LRP1B: variants seen among roughly 807,000 people sequenced by gnomAD.
LRP1B encodes the protein low-density lipoprotein receptor-related protein 1B.
LRP1B carries 217 observed loss-of-function variants against 556.6 expected under a neutral mutation model. That is an observed-to-expected ratio of 0.39 (90% confidence interval 0.35 to 0.44). The LOEUF (loss-of-function observed/expected upper bound fraction) is 0.44, where lower values mean the gene tolerates loss of function less well. LRP1B is among the 20% of genes least tolerant of loss of function. The probability of loss-of-function intolerance (pLI) is 1.00; values close to 1 mark genes in which losing one functional copy is unlikely to be tolerated. For missense variants in LRP1B, 5,053 were observed against 5,620.8 expected, an observed-to-expected ratio of 0.90 and a Z score of 3.23; for synonymous variants, 2,047 against 1,865.8, an observed-to-expected ratio of 1.10 and a Z score of -2.50.
At chr2:141,017,303 T>C (rs1697928102) in intron 12 of LRP1B, among the ~76,000 whole-genome samples, 1 of 152,006 alleles carries the variant, frequency 6.6e-6, no homozygotes, top group Non-Finnish European at 1.5e-5. Flanking sequence ...ATTGATATTT[T>C]CCTGAAATTT....
chr2:141,258,486 TAAAA>T (rs1294961096), intron 3 of LRP1B, among the ~76,000 whole-genome samples: 1 of 152,038 alleles, frequency 6.6e-6, no homozygotes, highest in South Asian at 2.1e-4. Context: ...AATAAATAAA[TAAAA>T]AGAGAGAAGA....
chr2:140,444,591 ACAAT>A lies in LRP1B; in HGVS notation c.10142_10145del (p.Asp3381ValfsTer31). On this transcript the variant is annotated frameshift_variant, in exon 64 of 91. Transcript: ENST00000389484. LOFTEE classifies it high-confidence loss of function. ...AGTTGAGTTCATCAGAATTGTCTCCACAATCATTCTCTCCATCACAGATGAAAGC... is the reference window on the plus strand; with the variant it reads ...AGTTGAGTTCATCAGAATTGTCTCCACATTCTCTCCATCACAGATGAAAGC... 6.2e-7 allele frequency: 1 copy of A among 1,614,022 alleles called. No individual in the cohort carries two copies. The highest frequency in any genetic ancestry group is 8.5e-7 in the Non-Finnish European group (1 of 1,179,928).
At chr2:141,537,754 T>A (rs988240487) in intron 2 of LRP1B, among the ~76,000 whole-genome samples, 6 of 152,118 alleles carry the variant, frequency 3.9e-5, no homozygotes, top group African/African-American at 7.2e-5. Context: ...TGAAAAAGAA[T>A]CAAGCTAAGA....
intron 41 of LRP1B, among the ~76,000 whole-genome samples, chr2:140,693,725 G>C (rs964800174): frequency 4.0e-5 from 6 of 150,436 alleles, no homozygotes; most frequent in African/African-American, 1.2e-4. Flanking sequence ...TGGCGGGGGG[G>C]CGTGGAGAGT....
intron 2 of LRP1B, among the ~76,000 whole-genome samples, chr2:141,670,355 A>G (rs76895453): frequency 6.6e-6 from 1 of 152,220 alleles, no homozygotes; most frequent in Non-Finnish European, 1.5e-5. Context: ...ATCACATATT[A>G]ACTGTGTATA....
intron 83 of LRP1B, among the ~76,000 whole-genome samples, chr2:140,308,055 G>A (rs1684139959): frequency 6.6e-6 from 1 of 151,682 alleles, no homozygotes; most frequent in South Asian, 2.1e-4. Flanking sequence ...AGTAAAATTT[G>A]TTGGGATACT....
At chr2:140,260,226 CACTG>C (rs1480652860) in intron 86 of LRP1B, among the ~76,000 whole-genome samples, 1 of 151,872 alleles carries the variant, frequency 6.6e-6, no homozygotes, top group Non-Finnish European at 1.5e-5. Context: ...ATTTCAAAAA[CACTG>C]AGTGTCTGAA....
chr2:140,888,992 A>C (rs558997298), intron 23 of LRP1B, among the ~76,000 whole-genome samples: 1 of 151,670 alleles, frequency 6.6e-6, no homozygotes, highest in African/African-American at 2.4e-5. Context: ...TTGAAATGAT[A>C]TATAAGCATT....
intron 7 of LRP1B, among the ~76,000 whole-genome samples, chr2:141,088,883 G>C (rs1700109368): frequency 6.6e-6 from 1 of 152,172 alleles, no homozygotes; most frequent in Non-Finnish European, 1.5e-5. Flanking sequence ...CCCAAGGGCT[G>C]TGAGCAGCTT....
chr2:140,393,250 T>G (rs1178949436), intron 66 of LRP1B, among the ~76,000 whole-genome samples: 1 of 152,092 alleles, frequency 6.6e-6, no homozygotes, highest in African/African-American at 2.4e-5. Context: ...AAGCCTGTTG[T>G]GTATATATGT....
intron 7 of LRP1B, among the ~76,000 whole-genome samples, chr2:141,170,957 T>C (rs528262888): frequency 1.5e-4 from 23 of 152,280 alleles, no homozygotes; most frequent in African/African-American, 5.5e-4. Flanking sequence ...TCCACAATTA[T>C]AGTCGTGTGC....
intron 82 of LRP1B, among the ~76,000 whole-genome samples, chr2:140,320,424 T>G (rs556424621): frequency 6.6e-6 from 1 of 152,110 alleles, no homozygotes; most frequent in African/African-American, 2.4e-5. Flanking sequence ...AGAAAAATCA[T>G]GCAGAGGTGG....
chr2:140,817,550 A>G (rs1573758252), intron 31 of LRP1B, among the ~76,000 whole-genome samples: 1 of 151,910 alleles, frequency 6.6e-6, no homozygotes, highest in East Asian at 1.9e-4. Flanking sequence ...TGCAAAAATT[A>G]TGTAATTTCT....
In LRP1B at chr2:140,813,918, T is replaced by G. The variant is rs554731461; in HGVS notation, c.5210-112A>C. 3 of 725,940 alleles carry G rather than the reference T, an allele frequency of 4.1e-6. No individual in the cohort carries two copies. In the Admixed American group the frequency reaches 8.5e-5, roughly 21 times the overall value. The allele number at this position is 725,940 out of a possible 1,614,324, so 45.0% of individuals were successfully genotyped here. The stretch of plus-strand genomic sequence containing the variant: ...AATAAGTTGAAAGTTCAGATTTTTG[T>G]CTTTACAAATAAGATCTGGCTAATA... On this transcript the variant is annotated intron_variant, in intron 31 of 90. Coordinates refer to ENST00000389484, the MANE Select transcript of LRP1B (RefSeq NM_018557.3).
At chr2:141,230,831 G>A (rs186990367) in intron 5 of LRP1B, among the ~76,000 whole-genome samples, 103 of 152,190 alleles carry the variant, frequency 6.8e-4, no homozygotes, top group African/African-American at 2.3e-3. Context: ...GCACTTTATC[G>A]TCTAAAAATC....
chr2:141,416,446 A>ATTTTTTTTTTTTTTTTTTTTTTT (rs34512949), intron 3 of LRP1B, among the ~76,000 whole-genome samples: 1 of 103,430 alleles, frequency 9.7e-6, no homozygotes, highest in African/African-American at 3.7e-5. Context: ...TTTGACAGCC[A>ATTTTTTTTTTTTTTTTTTTTTTT]TTTTTTTTTT....
At chr2:141,843,135 G>A (rs1465983400) in intron 1 of LRP1B, among the ~76,000 whole-genome samples, 1 of 151,978 alleles carries the variant, frequency 6.6e-6, no homozygotes, top group African/African-American at 2.4e-5. Context: ...GGTTTCTTCT[G>A]TTCTTTTTTG....
intron 1 of LRP1B, among the ~76,000 whole-genome samples, chr2:142,086,299 G>A (rs1705919519): frequency 6.6e-6 from 1 of 152,244 alleles, no homozygotes; most frequent in South Asian, 2.1e-4. Context: ...TGGCTGTGGT[G>A]TTGGACAGGA....
chr2:140,401,659 C>A (rs35048746), intron 66 of LRP1B, among the ~76,000 whole-genome samples: 10,618 of 152,180 alleles, frequency 0.07, 424 homozygotes, highest in Middle Eastern at 0.14. Flanking sequence ...AATGAGAATA[C>A]CTCCCCTGGG....
Sources: gnomAD v4.1 joint callset for allele counts (sites outside exome capture counted in the v4.1 genomes callset) on GRCh38, gnomAD v4.1.1 for gene constraint, MANE v1.5 for transcripts, NCBI Gene and HGNC (gene_info 2026-07-23, HGNC 2026-07-21) for gene names.